CTNNA2: variants seen among roughly 807,000 people sequenced by gnomAD.
CTNNA2 encodes catenin alpha-2.
A neutral mutation model predicts 101.0 loss-of-function variants in CTNNA2; 42 were observed. The observed-to-expected ratio is 0.42, with a 90% CI of 0.32 to 0.54. The LOEUF is 0.54. Among genes scored for constraint, CTNNA2 ranks in the 20% least tolerant of loss-of-function variants. The pLI, the probability that CTNNA2 is intolerant of heterozygous loss-of-function variation, is 0.14. For missense variants in CTNNA2, 871 were observed against 1,223.1 expected (o/e 0.71, Z 4.29); for synonymous variants, 450 against 456.4 (o/e 0.99, Z 0.18).
intron 7 of CTNNA2, among the ~76,000 whole-genome samples, chr2:79,913,600 CTGCGTCCCGT>C (rs1320722773): frequency 2.6e-5 from 4 of 152,144 alleles, no homozygotes; most frequent in Non-Finnish European, 2.9e-5. Flanking sequence ...TGAGGAGGCC[CTGCGTCCCGT>C]AATATTCATG....
At chr2:79,472,456 T>C (rs1864550) in intron 4 of CTNNA2, among the ~76,000 whole-genome samples, 47,468 of 152,130 alleles carry the variant, frequency 0.31, 7,619 homozygotes, top group Middle Eastern at 0.4. Context: ...TGATGACCTC[T>C]GAATCACCTT....
intron 8 of CTNNA2, among the ~76,000 whole-genome samples, chr2:80,419,111 A>C (rs910579289): frequency 6.6e-6 from 1 of 152,124 alleles, no homozygotes; most frequent in Admixed American, 6.5e-5. Flanking sequence ...TTCCTTTTCA[A>C]AGAGCCTGAA....
At chr2:80,293,129 G>A (rs191514160) in intron 7 of CTNNA2, among the ~76,000 whole-genome samples, 34 of 152,288 alleles carry the variant, frequency 2.2e-4, no homozygotes, top group African/African-American at 7.7e-4. Flanking sequence ...AGACAGTGAG[G>A]CAAAATAACA....
chr2:80,020,604 A>C (rs975475212), intron 7 of CTNNA2, among the ~76,000 whole-genome samples: 17 of 152,320 alleles, frequency 1.1e-4, no homozygotes, highest in African/African-American at 4.1e-4. Flanking sequence ...CATGTACACC[A>C]TTCTAGTTAT....
intron 1 of CTNNA2, among the ~76,000 whole-genome samples, chr2:79,613,259 T>C (rs1178163842): frequency 6.6e-6 from 1 of 151,970 alleles, no homozygotes; most frequent in African/African-American, 2.4e-5. Context: ...CAGGAAGTCA[T>C]ATCAGACTCA....
chr2:80,095,003 C>T (rs1362013620), intron 7 of CTNNA2, among the ~76,000 whole-genome samples: 3 of 152,288 alleles, frequency 2.0e-5, no homozygotes, highest in African/African-American at 7.2e-5. Context: ...ATTTCCTTCT[C>T]CTGCCTGATT....
chr2:79,288,430 C>T (rs72917219), intron 2 of CTNNA2, among the ~76,000 whole-genome samples: 15,587 of 152,240 alleles, frequency 0.1, 836 homozygotes, highest in Non-Finnish European at 0.12. Context: ...TGGTAATCTT[C>T]GCTTGGAGTC....
intron 9 of CTNNA2, among the ~76,000 whole-genome samples, chr2:80,527,795 C>T (rs1458528877): frequency 6.6e-6 from 1 of 152,118 alleles, no homozygotes; most frequent in Non-Finnish European, 1.5e-5. Flanking sequence ...AATACTCTAA[C>T]TGAATTTAAA....
intron 18 of CTNNA2, among the ~76,000 whole-genome samples, chr2:80,629,774 C>T (rs576421539): frequency 1.3e-5 from 2 of 152,310 alleles, no homozygotes; most frequent in South Asian, 2.1e-4. Context: ...AGCAACTTTT[C>T]TTCTCCAGTA....
intron 1 of CTNNA2, among the ~76,000 whole-genome samples, chr2:79,635,704 A>G (rs1679988489): frequency 6.6e-6 from 1 of 150,782 alleles, no homozygotes; most frequent in African/African-American, 2.4e-5. Flanking sequence ...GGGTTTCAAC[A>G]TGTTGGCCAA....
At chr2:80,346,632 C>T (rs757123629) in intron 7 of CTNNA2, among the ~76,000 whole-genome samples, 3 of 152,158 alleles carry the variant, frequency 2.0e-5, no homozygotes, top group South Asian at 2.1e-4. Context: ...CTCTCAGCAT[C>T]GGAGTGCCTG....
chr2:80,274,990 A>C (rs575371046), intron 7 of CTNNA2, among the ~76,000 whole-genome samples: 2 of 152,220 alleles, frequency 1.3e-5, no homozygotes, highest in African/African-American at 2.4e-5. Context: ...CAATTATAGC[A>C]TATAGAAGGT....
At chr2:79,450,242 A>G (rs1678875660) in intron 4 of CTNNA2, among the ~76,000 whole-genome samples, 1 of 151,918 alleles carries the variant, frequency 6.6e-6, no homozygotes, top group South Asian at 2.1e-4. Flanking sequence ...TATTATTTGG[A>G]TACTAAAATG....
intron 1 of CTNNA2, among the ~76,000 whole-genome samples, chr2:79,188,127 T>C (rs1319410406): frequency 6.6e-6 from 1 of 152,168 alleles, no homozygotes. Flanking sequence ...ATGTATATTA[T>C]TTTCTATTAA....
intron 2 of CTNNA2, among the ~76,000 whole-genome samples, chr2:79,291,929 A>G (rs2104380981): frequency 6.6e-6 from 1 of 152,196 alleles, no homozygotes; most frequent in South Asian, 2.1e-4. Flanking sequence ...AGAGAGACAG[A>G]GTTATTAGTA....
chr2:80,461,039 A>G (rs1001552031), intron 9 of CTNNA2, among the ~76,000 whole-genome samples: 5 of 152,220 alleles, frequency 3.3e-5, no homozygotes, highest in African/African-American at 1.2e-4. Flanking sequence ...CTTTAATGAT[A>G]GAGATACAGC....
chr2:79,443,577 G>T (rs185176854), intron 4 of CTNNA2, among the ~76,000 whole-genome samples: 23 of 152,126 alleles, frequency 1.5e-4, no homozygotes, highest in Admixed American at 7.9e-4. Flanking sequence ...CAGTCAAGTT[G>T]ACACATGGAA....
intron 1 of CTNNA2, among the ~76,000 whole-genome samples, chr2:79,573,417 G>A (rs1675587662): frequency 6.6e-6 from 1 of 152,126 alleles, no homozygotes; most frequent in South Asian, 2.1e-4. Flanking sequence ...TTGAAAAGTG[G>A]ACTAACTTAA....
intron 15 of CTNNA2, among the ~76,000 whole-genome samples, chr2:80,597,304 T>C (rs1026310909): frequency 5.3e-5 from 8 of 152,132 alleles, no homozygotes; most frequent in Non-Finnish European, 1.2e-4. Context: ...TATACAAAAA[T>C]TAACTCAACG....
Sources: allele counts gnomAD v4.1 joint callset (sites outside exome capture counted in the v4.1 genomes callset), GRCh38; gene constraint gnomAD v4.1.1; transcripts MANE v1.5; gene names NCBI Gene and HGNC (gene_info 2026-07-23, HGNC 2026-07-21).